Variants in DPP6 observed in about 807,000 individuals in gnomAD.
The protein encoded by DPP6 is A-type potassium channel modulatory protein DPP6.
Under a neutral mutation model 122.6 loss-of-function variants are expected in DPP6, and 69 were observed. The ratio of observed to expected loss-of-function variants is 0.56; its 90% CI spans 0.46 to 0.69. DPP6 has a LOEUF of 0.69. Ranked by LOEUF, DPP6 falls within the 30% of genes least tolerant of loss-of-function variation. The probability of loss-of-function intolerance (pLI) is 0.00; values close to 1 mark genes in which losing one functional copy is unlikely to be tolerated. For missense variants in DPP6, 928 were observed against 1,116.9 expected (o/e 0.83, Z 2.41); for synonymous variants, 418 against 433.1 (o/e 0.97, Z 0.43).
chr7:154,766,107 G>A (rs966544839), intron 8 of DPP6, among the ~76,000 whole-genome samples: 9 of 152,174 alleles, frequency 5.9e-5, no homozygotes, highest in Admixed American at 5.9e-4. Flanking sequence ...AAAATGGCAA[G>A]GAGCGATGTG....
intron 1 of DPP6, among the ~76,000 whole-genome samples, chr7:154,149,679 T>A (rs1371634658): frequency 6.6e-6 from 1 of 151,914 alleles, no homozygotes; most frequent in East Asian, 1.9e-4. Context: ...CAGAAAAGAT[T>A]ATAGAGAACT....
intron 8 of DPP6, among the ~76,000 whole-genome samples, chr7:154,730,296 G>A (rs1761380768): frequency 6.6e-6 from 1 of 152,146 alleles, no homozygotes; most frequent in Admixed American, 6.5e-5. Context: ...TTCAAAGTAA[G>A]GCTGTGGAGC....
rs1194542859 is a variant in DPP6, at chr7:154,282,933, G to C, written c.244-163281G>C. On this transcript the variant is annotated intron_variant, in intron 1 of 25. Transcript: ENST00000377770. The surrounding 1 kb of genome is among the most constrained non-coding windows in gnomAD (Gnocchi z 4.8). Reference sequence around the variant, plus strand: ...TCAGTCCAAGGGTCACAACATGTCTGATGCCTAGCTCTGGACTCAAGGGCA... The same window carrying C: ...TCAGTCCAAGGGTCACAACATGTCTCATGCCTAGCTCTGGACTCAAGGGCA... Among the ~76,000 whole-genome samples the C allele has an allele frequency of 6.6e-6, 1 of 152,132 alleles. No homozygotes were observed. The highest frequency in any genetic ancestry group is 1.5e-5 in the Non-Finnish European group (1 of 68,014).
At chr7:154,809,133 AAAT>A (rs1159289946) in intron 16 of DPP6, among the ~76,000 whole-genome samples, 2 of 152,226 alleles carry the variant, frequency 1.3e-5, no homozygotes, top group African/African-American at 4.8e-5. Flanking sequence ...AAAGAAGTCA[AAAT>A]AATAATGAGT....
chr7:154,546,431 T>C (rs1829194701), intron 4 of DPP6, among the ~76,000 whole-genome samples: 1 of 151,498 alleles, frequency 6.6e-6, no homozygotes. Flanking sequence ...ACAATGAGTA[T>C]GTAAGAGCTG....
intron 1 of DPP6, among the ~76,000 whole-genome samples, chr7:154,397,774 T>A (rs2151179124): frequency 6.6e-6 from 1 of 152,316 alleles, no homozygotes; most frequent in South Asian, 2.1e-4. Flanking sequence ...GAGATGTGGA[T>A]GAAGAAGCTG....
chr7:153,796,320 T>C, the DPP6 span, among the ~76,000 whole-genome samples: 2 of 139,124 alleles, frequency 1.4e-5, no homozygotes, highest in Admixed American at 7.4e-5. Context: ...GTTATTATAT[T>C]CTCTTGAGGG....
chr7:154,063,421 G>A lies in DPP6; in HGVS notation c.243+10358G>A, dbSNP rs1429212132. The stretch of plus-strand genomic sequence containing the variant: ...GCTATCCCCTCTTCCGCCCCTGGCT[G>A]TTGGTACCCCCATCGCAAGGGGGGG... On this transcript the variant is annotated intron_variant, in intron 1 of 25. Coordinates refer to ENST00000377770, the MANE Select transcript of DPP6 (RefSeq NM_130797.4). Among the ~76,000 whole-genome samples, 13 of 121,500 alleles carry A rather than the reference G, an allele frequency of 1.1e-4. 1 individual carries two copies. In the East Asian group the frequency reaches 2.9e-3, roughly 28 times the overall value. 79.7% of individuals were successfully genotyped at this position (121,500 alleles called of 152,430 possible).
intron 1 of DPP6, among the ~76,000 whole-genome samples, chr7:154,037,195 A>G (rs1038520986): frequency 2.6e-5 from 4 of 152,192 alleles, no homozygotes; most frequent in Admixed American, 6.5e-5. Flanking sequence ...CGGCCTTCCC[A>G]GGAACCAGAG....
intron 5 of DPP6, among the ~76,000 whole-genome samples, chr7:154,626,401 G>T (rs12719641): frequency 0.42 from 63,375 of 151,728 alleles, 13,749 homozygotes; most frequent in African/African-American, 0.55. Context: ...TTTATTTAGA[G>T]GCATCCTCGG....
At chr7:154,090,282 G>A (rs1292557557) in intron 1 of DPP6, among the ~76,000 whole-genome samples, 1 of 152,134 alleles carries the variant, frequency 6.6e-6, no homozygotes. Flanking sequence ...GCTATCCCCC[G>A]ACCTGCAAAT....
At chr7:153,960,155 A>T (rs1466991576) in intron 1 of DPP6, among the ~76,000 whole-genome samples, 2 of 152,222 alleles carry the variant, frequency 1.3e-5, no homozygotes, top group African/African-American at 4.8e-5. Flanking sequence ...GTAAAACTTT[A>T]TGAAGTTTGG....
At chr7:154,819,423 A>AATTAATT (rs1563246826) in intron 16 of DPP6, among the ~76,000 whole-genome samples, 14 of 150,276 alleles carry the variant, frequency 9.3e-5, no homozygotes, top group Admixed American at 2.6e-4. Context: ...CTCAATAAAT[A>AATTAATT]AATAAATTAA....
intron 1 of DPP6, among the ~76,000 whole-genome samples, chr7:154,043,329 T>C (rs1799856216): frequency 1.5e-5 from 2 of 132,200 alleles, no homozygotes; most frequent in East Asian, 2.2e-4. Flanking sequence ...GCAGGTGGAG[T>C]TTGCAGTGAG....
intron 1 of DPP6, among the ~76,000 whole-genome samples, chr7:154,007,371 G>A (rs1797955305): frequency 6.6e-6 from 1 of 152,080 alleles, no homozygotes; most frequent in African/African-American, 2.4e-5. Flanking sequence ...AAAAATCACC[G>A]ATCAAGCATT....
At chr7:154,779,099 A>G in intron 10 of DPP6, among the ~76,000 whole-genome samples, 1 of 50,730 alleles carries the variant, frequency 2.0e-5, no homozygotes, top group Non-Finnish European at 4.1e-5. Context: ...CTCTACCACC[A>G]CCACCACCCC....
intron 1 of DPP6, among the ~76,000 whole-genome samples, chr7:154,217,830 G>C (rs1352299787): frequency 2.0e-5 from 3 of 152,112 alleles, no homozygotes; most frequent in African/African-American, 7.2e-5. Flanking sequence ...CACCCAGGAG[G>C]GAGAGAGGGA....
chr7:153,954,440 C>T (rs1255124738), intron 1 of DPP6, among the ~76,000 whole-genome samples: 3 of 152,134 alleles, frequency 2.0e-5, no homozygotes, highest in African/African-American at 4.8e-5. Flanking sequence ...GAATACAGTA[C>T]AGATATTCAT....
At chr7:154,019,726 G>C (rs12535913) in intron 1 of DPP6, among the ~76,000 whole-genome samples, 31,524 of 152,026 alleles carry the variant, frequency 0.21, 3,546 homozygotes, top group South Asian at 0.3. Flanking sequence ...TTCTAAAGAT[G>C]GTGTTATTAT....
Sources: allele counts gnomAD v4.1 joint callset (sites outside exome capture counted in the v4.1 genomes callset), GRCh38; gene constraint gnomAD v4.1.1; non-coding constraint Gnocchi (gnomAD v3.1); transcripts MANE v1.5; gene names NCBI Gene and HGNC (gene_info 2026-07-23, HGNC 2026-07-21).